TAFA1: variants seen among roughly 807,000 people sequenced by gnomAD.
The protein encoded by TAFA1 is chemokine-like protein TAFA-1.
In TAFA1, 4 loss-of-function variants were observed where a neutral mutation model predicts 18.5. That is an observed-to-expected ratio of 0.22 (90% CI 0.11 to 0.49). TAFA1 has a LOEUF of 0.49. TAFA1 is among the 20% of genes least tolerant of loss of function. The pLI, the probability that TAFA1 is intolerant of heterozygous loss-of-function variation, is 0.98. For synonymous variants in TAFA1, 56 were observed against 55.2 expected (o/e 1.01, Z -0.06); for missense variants, 147 against 169.0 (o/e 0.87, Z 0.72).
intron 2 of TAFA1, among the ~76,000 whole-genome samples, chr3:68,049,889 G>A (rs143430444): frequency 1.8e-4 from 28 of 152,148 alleles, no homozygotes; most frequent in African/African-American, 5.8e-4. Context: ...ATGATTATGC[G>A]TTTATCCTGC....
At chr3:68,000,307 G>A (rs556168200), upstream of TAFA1, among the ~76,000 whole-genome samples, 1 of 152,294 alleles carries the variant, frequency 6.6e-6, no homozygotes, top group South Asian at 2.1e-4. Context: ...GATAAAGCAG[G>A]CATTAAACAA....
chr3:68,379,004 G>A (rs910389210), intron 2 of TAFA1, among the ~76,000 whole-genome samples: 2 of 152,054 alleles, frequency 1.3e-5, no homozygotes, highest in Non-Finnish European at 2.9e-5. Flanking sequence ...TTATAGTCGT[G>A]TGAAAACAGA....
chr3:68,067,842 C>T (rs886985467), intron 2 of TAFA1, among the ~76,000 whole-genome samples: 8 of 152,092 alleles, frequency 5.3e-5, no homozygotes, highest in Non-Finnish European at 1.0e-4. Context: ...GAATGAGACT[C>T]TGTCCCTACT....
chr3:68,307,652 C>T lies in TAFA1; in HGVS notation c.119-109628C>T, dbSNP rs543621285. ...TTTTATCTCTACTATGTGATTGTTA[C>T]TTTCGTTTAGCTGCACAGGGCAAGG... On this transcript the variant is annotated intron_variant, in intron 2 of 4. Coordinates refer to ENST00000478136, the MANE Select transcript of TAFA1 (RefSeq NM_213609.4). Among the ~76,000 whole-genome samples, 3 of 152,216 alleles carry T rather than the reference C, an allele frequency of 2.0e-5. No individual in the cohort carries two copies. In the South Asian group the frequency reaches 6.2e-4, roughly 32 times the overall value.
intron 2 of TAFA1, among the ~76,000 whole-genome samples, chr3:68,375,254 T>G (rs998484169): frequency 6.6e-6 from 1 of 152,162 alleles, no homozygotes; most frequent in African/African-American, 2.4e-5. Flanking sequence ...TGTTTTCTAT[T>G]GTGTATCCCA....
At chr3:68,308,917 C>G (rs1053193347) in intron 2 of TAFA1, among the ~76,000 whole-genome samples, 1 of 152,116 alleles carries the variant, frequency 6.6e-6, no homozygotes, top group Non-Finnish European at 1.5e-5. Flanking sequence ...GATCTTCTTC[C>G]TTCCTACTGC....
At chr3:68,385,740 T>C (rs34715241) in intron 2 of TAFA1, among the ~76,000 whole-genome samples, 10,223 of 152,056 alleles carry the variant, frequency 0.067, 399 homozygotes, top group East Asian at 0.14. Context: ...TTTTAAGTAG[T>C]TTCCTACTGG....
chr3:68,515,962 A>G (rs572522503), intron 3 of TAFA1, among the ~76,000 whole-genome samples: 14 of 152,358 alleles, frequency 9.2e-5, no homozygotes, highest in African/African-American at 3.4e-4. Flanking sequence ...GAAACCAAGC[A>G]TTATTTGCAG....
intron 2 of TAFA1, among the ~76,000 whole-genome samples, chr3:68,229,366 ATCTT>A (rs1191486769): frequency 6.6e-6 from 1 of 152,224 alleles, no homozygotes; most frequent in Non-Finnish European, 1.5e-5. Context: ...TTGCTAAGAT[ATCTT>A]ATTCTAAAAC....
intron 2 of TAFA1, among the ~76,000 whole-genome samples, chr3:68,078,398 A>T (rs1447844088): frequency 1.3e-5 from 2 of 152,164 alleles, no homozygotes; most frequent in Admixed American, 6.5e-5. Context: ...CAGTTTTCAA[A>T]GGGAATGCTT....
At chr3:68,528,511 A>T (rs980741448) in intron 3 of TAFA1, among the ~76,000 whole-genome samples, 1 of 152,182 alleles carries the variant, frequency 6.6e-6, no homozygotes, top group African/African-American at 2.4e-5. Context: ...GTTTGCTTTG[A>T]TAAAGACAAT....
intron 2 of TAFA1, among the ~76,000 whole-genome samples, chr3:68,011,127 G>GT (rs1704462685): frequency 6.7e-6 from 1 of 149,646 alleles, no homozygotes; most frequent in African/African-American, 2.5e-5. Context: ...ATGTGTGTGT[G>GT]TGGGGGGTGG....
At chr3:68,259,198 C>T (rs1023213300) in intron 2 of TAFA1, among the ~76,000 whole-genome samples, 8 of 152,116 alleles carry the variant, frequency 5.3e-5, no homozygotes, top group African/African-American at 7.2e-5. Flanking sequence ...GACATCCTAA[C>T]GAAATTATGC....
At chr3:68,509,714 T>C (rs2072817566) in intron 3 of TAFA1, among the ~76,000 whole-genome samples, 1 of 152,106 alleles carries the variant, frequency 6.6e-6, no homozygotes, top group Non-Finnish European at 1.5e-5. Flanking sequence ...GGTAATGTAT[T>C]AGTTTGATCC....
intron 2 of TAFA1, among the ~76,000 whole-genome samples, chr3:68,280,030 C>T (rs571742208): frequency 6.6e-6 from 1 of 152,274 alleles, no homozygotes; most frequent in South Asian, 2.1e-4. Flanking sequence ...CCCAAATTAT[C>T]ATTTCTATAC....
intron 2 of TAFA1, among the ~76,000 whole-genome samples, chr3:68,156,029 C>G (rs1277816563): frequency 1.3e-5 from 2 of 152,000 alleles, no homozygotes; most frequent in East Asian, 3.9e-4. Flanking sequence ...TGGTCCAAAC[C>G]CCAGGGTCAA....
At chr3:68,517,948 T>TCA (rs2072950308) in intron 3 of TAFA1, among the ~76,000 whole-genome samples, 1 of 101,150 alleles carries the variant, frequency 9.9e-6, no homozygotes, top group African/African-American at 3.6e-5. Flanking sequence ...ACACACACAC[T>TCA]CACACACACT....
intron 2 of TAFA1, among the ~76,000 whole-genome samples, chr3:68,360,859 T>C (rs1202084817): frequency 2.6e-5 from 4 of 152,040 alleles, no homozygotes; most frequent in Admixed American, 2.6e-4. Context: ...CTAGAAGTTA[T>C]TAAAATCAGT....
At chr3:68,092,630 G>C (rs1244234088) in intron 2 of TAFA1, among the ~76,000 whole-genome samples, 2 of 152,132 alleles carry the variant, frequency 1.3e-5, no homozygotes, top group Non-Finnish European at 2.9e-5. Context: ...CTTTCATGGG[G>C]CTTATTAAGC....
Sources: gnomAD v4.1 joint callset for allele counts (sites outside exome capture counted in the v4.1 genomes callset) on GRCh38, gnomAD v4.1.1 for gene constraint, MANE v1.5 for transcripts, NCBI Gene and HGNC (gene_info 2026-07-23, HGNC 2026-07-21) for gene names.